The following VWC2L variants were observed in gnomAD, a reference collection of about 807,000 sequenced individuals.
The protein encoded by VWC2L is von Willebrand factor C domain containing 2 like.
VWC2L carries 10 observed loss-of-function variants against 21.6 expected under a neutral mutation model. The ratio of observed to expected loss-of-function variants is 0.46; its 90% CI spans 0.29 to 0.78. VWC2L has a LOEUF of 0.78. VWC2L is among the 30% of genes least tolerant of loss of function. The pLI is 0.10. For missense variants in VWC2L, 209 were observed against 277.1 expected, an observed-to-expected ratio of 0.75 and a Z score of 1.74; for synonymous variants, 96 against 94.3, an observed-to-expected ratio of 1.02 and a Z score of -0.10.
chr2:214,573,814 A>G, intron 3 of VWC2L, among the ~76,000 whole-genome samples: 1 of 152,184 alleles, frequency 6.6e-6, no homozygotes, highest in Non-Finnish European at 1.5e-5. Context: ...TTAAATAATC[A>G]GCAATAAGGA....
chr2:214,414,029 CCAAA>C (rs1432199485), intron 1 of VWC2L, 81 bp from the exon 2 acceptor site: 2 of 733,326 alleles, frequency 2.7e-6, no homozygotes, highest in South Asian at 2.4e-5. Context: ...CAAATTGATC[CCAAA>C]CAGTTTAAGA....
In VWC2L at chr2:214,425,979, C is replaced by A. The variant is rs374432048; in HGVS notation, c.391-10650C>A. Among the ~76,000 whole-genome samples the A allele has an allele frequency of 2.4e-4, 36 of 151,918 alleles. No individual in the cohort carries two copies. In the East Asian group the frequency reaches 6.8e-3, roughly 29 times the overall value. ...CTGAGGTCAGGAGTTCAAGACCAGC[C>A]TGGCCAACATGGTGAAACCCCATCT... On this transcript the variant is annotated intron_variant, in intron 2 of 3. Coordinates refer to ENST00000312504, the MANE Select transcript of VWC2L (RefSeq NM_001080500.4).
At chr2:214,449,785 G>C (rs912531691) in intron 3 of VWC2L, among the ~76,000 whole-genome samples, 2 of 152,130 alleles carry the variant, frequency 1.3e-5, no homozygotes, top group African/African-American at 4.8e-5. Context: ...GCTTACATGT[G>C]CTTCATTTGT....
At chr2:214,482,750 G>A (rs1012535599) in intron 3 of VWC2L, among the ~76,000 whole-genome samples, 2 of 151,444 alleles carry the variant, frequency 1.3e-5, no homozygotes, top group South Asian at 2.1e-4. Flanking sequence ...GCAACACAGT[G>A]AAACTGCATC....
chr2:214,495,333 G>A (rs1688797321), intron 3 of VWC2L, among the ~76,000 whole-genome samples: 1 of 152,160 alleles, frequency 6.6e-6, no homozygotes, highest in Non-Finnish European at 1.5e-5. Flanking sequence ...GGCCTGCTCA[G>A]AGGTTTCTTA....
At chr2:214,413,119 CACTT>C (rs1702302043) in intron 1 of VWC2L, among the ~76,000 whole-genome samples, 1 of 152,048 alleles carries the variant, frequency 6.6e-6, no homozygotes, top group African/African-American at 2.4e-5. Flanking sequence ...GAATGGTTAA[CACTT>C]AATTACAGTT....
intron 3 of VWC2L, among the ~76,000 whole-genome samples, chr2:214,508,807 T>G (rs1404668830): frequency 6.6e-6 from 1 of 152,172 alleles, no homozygotes; most frequent in African/African-American, 2.4e-5. Flanking sequence ...TTGGTTTGTT[T>G]CTGTTTTTGT....
At chr2:214,550,735 C>T (rs1689780865) in intron 3 of VWC2L, among the ~76,000 whole-genome samples, 1 of 152,168 alleles carries the variant, frequency 6.6e-6, no homozygotes, top group South Asian at 2.1e-4. Flanking sequence ...TGGACAATCA[C>T]AATAGCTTTG....
At chr2:214,566,925 C>T (rs1439000914) in intron 3 of VWC2L, among the ~76,000 whole-genome samples, 1 of 152,132 alleles carries the variant, frequency 6.6e-6, no homozygotes, top group Non-Finnish European at 1.5e-5. Flanking sequence ...GAATTAAAAT[C>T]ATTGAAGAGA....
At chr2:214,554,698 A>C (rs1689848653) in intron 3 of VWC2L, among the ~76,000 whole-genome samples, 1 of 152,052 alleles carries the variant, frequency 6.6e-6, no homozygotes, top group Non-Finnish European at 1.5e-5. Flanking sequence ...AAGCAAAACA[A>C]ATTCAGGCAA....
chr2:214,505,383 T>A (rs568043836), intron 3 of VWC2L, among the ~76,000 whole-genome samples: 1 of 152,314 alleles, frequency 6.6e-6, no homozygotes, highest in South Asian at 2.1e-4. Context: ...CCTGTACTAC[T>A]CTATAATTTG....
chr2:214,520,519 C>A (rs996399610), intron 3 of VWC2L, among the ~76,000 whole-genome samples: 1 of 152,022 alleles, frequency 6.6e-6, no homozygotes, highest in Non-Finnish European at 1.5e-5. Context: ...CCGAGACTGG[C>A]GATATAGAAG....
intron 2 of VWC2L, among the ~76,000 whole-genome samples, chr2:214,418,553 T>C (rs1559284636): frequency 6.6e-6 from 1 of 152,204 alleles, no homozygotes; most frequent in African/African-American, 2.4e-5. Flanking sequence ...ACCACTCGTC[T>C]CTTCCATTAG....
rs373624896 is a variant in VWC2L, at chr2:214,427,149, ACTCT to A, written c.391-9477_391-9474del. 2.5e-4 allele frequency among the ~76,000 whole-genome samples: 38 copies of A among 152,290 alleles called. No individual in the cohort carries two copies. In the East Asian group the frequency reaches 6.6e-3, roughly 26 times the overall value. On this transcript the variant is annotated intron_variant, in intron 2 of 3. Transcript: ENST00000312504. ...AATTCTTGCAGTCTTAGAAATGCAC[ACTCT>A]CTAATACTTCACTTATTTTCACACG...
intron 3 of VWC2L, among the ~76,000 whole-genome samples, chr2:214,498,717 GTATATATTATACATATACATATTTT>G (rs1394348935): frequency 1.3e-5 from 1 of 78,992 alleles, no homozygotes; most frequent in Non-Finnish European, 3.1e-5. Context: ...TTTTATATGT[GTATATATTATACATATACATATTTT>G]TATATGTGTA....
intron 3 of VWC2L, among the ~76,000 whole-genome samples, chr2:214,557,631 G>A (rs370321605): frequency 6.6e-6 from 1 of 152,274 alleles, no homozygotes; most frequent in Non-Finnish European, 1.5e-5. Context: ...TCTCCCCAGT[G>A]ACTGTCTCAA....
At chr2:214,519,211 C>CAAA (rs1559316152) in intron 3 of VWC2L, among the ~76,000 whole-genome samples, 6 of 152,174 alleles carry the variant, frequency 3.9e-5, no homozygotes, top group African/African-American at 1.4e-4. Flanking sequence ...AGAACCTGTT[C>CAAA]TTCCATTTAG....
intron 3 of VWC2L, among the ~76,000 whole-genome samples, chr2:214,564,304 A>G (rs1690028463): frequency 6.6e-6 from 1 of 152,236 alleles, no homozygotes; most frequent in Non-Finnish European, 1.5e-5. Context: ...GCTTCACAGA[A>G]TTAGAAGAAA....
chr2:214,450,791 A>G (rs968688750), intron 3 of VWC2L, among the ~76,000 whole-genome samples: 2 of 152,138 alleles, frequency 1.3e-5, no homozygotes, highest in Non-Finnish European at 2.9e-5. Context: ...CCCTTTTCAC[A>G]TGTTTTCTCA....
Sources: allele counts gnomAD v4.1 joint callset (sites outside exome capture counted in the v4.1 genomes callset), GRCh38; gene constraint gnomAD v4.1.1; transcripts MANE v1.5; gene names NCBI Gene and HGNC (gene_info 2026-07-23, HGNC 2026-07-21).